Variants in CXADR observed in about 807,000 individuals in gnomAD.
CXADR encodes CXADR cell adhesion molecule, also known as coxsackievirus and adenovirus receptor.
CXADR carries 20 observed loss-of-function variants against 40.3 expected under a neutral mutation model. The observed-to-expected ratio is 0.50, with a 90% CI of 0.35 to 0.72. CXADR has a LOEUF of 0.72. Ranked by LOEUF, CXADR falls within the 30% of genes least tolerant of loss-of-function variation. The pLI, the probability that CXADR is intolerant of heterozygous loss-of-function variation, is 0.01. For missense variants in CXADR, 332 were observed against 449.1 expected (o/e 0.74, Z 2.36); for synonymous variants, 150 against 161.3 (o/e 0.93, Z 0.53).
intron 1 of CXADR, among the ~76,000 whole-genome samples, chr21:17,515,521 A>G (rs1029834302): frequency 6.6e-6 from 1 of 152,098 alleles, no homozygotes; most frequent in African/African-American, 2.4e-5. Context: ...TTAGAAATGC[A>G]TTGGTATGGG....
At chr21:17,586,589 G>A (rs182361072) in intron 7 of CXADR, among the ~76,000 whole-genome samples, 3 of 151,398 alleles carry the variant, frequency 2.0e-5, no homozygotes, top group Admixed American at 1.3e-4. Context: ...GTGTGAGTCA[G>A]CCTCTTCTCA....
At chr21:17,519,434 A>T (rs2060501283) in intron 1 of CXADR, among the ~76,000 whole-genome samples, 1 of 152,184 alleles carries the variant, frequency 6.6e-6, no homozygotes, top group Non-Finnish European at 1.5e-5. Flanking sequence ...TCCACTAGTC[A>T]TGTCTGAGTC....
rs1412185527 is a variant in CXADR, at chr21:17,569,021, T to C, written c.*3329T>C. ...ACTTTTTCAAATTTAAGAGTTAATC[T>C]TGGAAATTTGGAACAAGTAAAGGGG... On this transcript the variant is annotated 3_prime_UTR_variant, in exon 7 of 7. Transcript: ENST00000284878. 3 of 985,036 alleles carry C rather than the reference T, an allele frequency of 3.0e-6. No individual in the cohort carries two copies. The Admixed American group carries it at 1.8e-4, about 61-fold the overall frequency. 61.0% of individuals were successfully genotyped at this position (985,036 alleles called of 1,614,324 possible).
chr21:17,565,060 CTA>C lies in CXADR; in HGVS notation c.834-365_834-364del, dbSNP rs199919442. Among the ~76,000 whole-genome samples the C allele has an allele frequency of 1.8e-3, 277 of 152,276 alleles. 7 individuals are homozygous for C. In the East Asian group the frequency reaches 0.038, roughly 21 times the overall value. ...CCTGTAGGTGTTAGTGTTTTCTCAACTATAAAGTGTTACATGGCTTTAACTAG... is the reference window on the plus strand; with the variant it reads ...CCTGTAGGTGTTAGTGTTTTCTCAACTAAAGTGTTACATGGCTTTAACTAG... On this transcript the variant is annotated intron_variant, in intron 6 of 6. Transcript: ENST00000284878.
At chr21:17,514,265 C>T (rs1170421400) in intron 1 of CXADR, among the ~76,000 whole-genome samples, 1 of 152,036 alleles carries the variant, frequency 6.6e-6, no homozygotes, top group Non-Finnish European at 1.5e-5. Context: ...TGGGATGGCT[C>T]TCTGCTTCCT....
At chr21:17,543,023 T>C (rs1363883443) in intron 1 of CXADR, 1 of 364,898 alleles carries the variant, frequency 2.7e-6, no homozygotes, top group Admixed American at 3.3e-5. Context: ...AATTCATTTC[T>C]AGTGCAACAC....
At chr21:17,534,878 A>G (rs1484207989) in intron 1 of CXADR, among the ~76,000 whole-genome samples, 2 of 141,492 alleles carry the variant, frequency 1.4e-5, no homozygotes, top group Non-Finnish European at 3.0e-5. Context: ...CCTGCCTCCC[A>G]GGTTCCAGTG....
Position 17,568,802 on chromosome 21 carries a change from A to G in CXADR, c.*3110A>G, listed in dbSNP as rs933401637. The stretch of plus-strand genomic sequence containing the variant: ...GCCTCTCACTCCCCCACCCCCAAAA[A>G]TGTCTACTATTCATGACAGTAACCA... On this transcript the variant is annotated 3_prime_UTR_variant, in exon 7 of 7. Transcript: ENST00000284878. 2 of 985,046 alleles carry G rather than the reference A, an allele frequency of 2.0e-6. No homozygotes were observed. Among genetic ancestry groups the G allele is most frequent in the Admixed American group, 1.2e-4 (2 of 16,242 alleles). The allele number at this position is 985,046 out of a possible 1,614,324, so 61.0% of individuals were successfully genotyped here.
the CXADR span, among the ~76,000 whole-genome samples, chr21:17,631,212 T>C: frequency 3.3e-5 from 5 of 152,266 alleles, no homozygotes; most frequent in African/African-American, 1.2e-4. Flanking sequence ...AGATAGATTA[T>C]GACACTTACG....
chr21:17,530,879 A>G (rs891789972), intron 1 of CXADR, among the ~76,000 whole-genome samples: 3 of 152,218 alleles, frequency 2.0e-5, no homozygotes, highest in Admixed American at 2.0e-4. Context: ...ATATGCACAT[A>G]AATTTCTCCC....
chr21:17,560,991 T>G (rs937255361), intron 5 of CXADR, among the ~76,000 whole-genome samples, 167 bp downstream of exon 5: 1 of 152,202 alleles, frequency 6.6e-6, no homozygotes. Flanking sequence ...TTAAAAAAAC[T>G]TCATAATTGC....
chr21:17,534,942 G>A (rs372993957), intron 1 of CXADR, among the ~76,000 whole-genome samples: 65 of 151,692 alleles, frequency 4.3e-4, no homozygotes, highest in African/African-American at 1.5e-3. Flanking sequence ...ATGCCACCAC[G>A]CCAAGCTAAT....
rs1481263739 is a variant in CXADR at position 17,561,319 on chromosome 21, T to A, written c.695-19T>A. On this transcript the variant is annotated intron_variant, in intron 5 of 6. Coordinates refer to ENST00000284878, the MANE Select transcript of CXADR (RefSeq NM_001338.5). ...GTATATATGTATATATTTTTTACTA[T>A]TAATTCTTCTTATTTTAGCTTCAAA... is the stretch of plus-strand genomic sequence containing the variant. The A allele has an allele frequency of 1.4e-6, 2 of 1,461,302 alleles. No homozygotes were observed. Among genetic ancestry groups the A allele is most frequent in the Non-Finnish European group, 1.9e-6 (2 of 1,080,224 alleles). 90.5% of individuals were successfully genotyped at this position (1,461,302 alleles called of 1,614,324 possible).
the CXADR span, among the ~76,000 whole-genome samples, chr21:17,632,685 G>C: frequency 1.3e-5 from 2 of 151,708 alleles, no homozygotes; most frequent in Non-Finnish European, 2.9e-5. Context: ...GGCTAACACG[G>C]TGAAACCCCA....
intron 6 of CXADR, among the ~76,000 whole-genome samples, chr21:17,565,025 T>C (rs1023763007): frequency 6.6e-6 from 1 of 152,134 alleles, no homozygotes; most frequent in Non-Finnish European, 1.5e-5. Context: ...GTGATTAAGA[T>C]AGAAATATAC....
intron 1 of CXADR, among the ~76,000 whole-genome samples, chr21:17,531,919 C>T (rs1274194258): frequency 1.4e-5 from 2 of 146,372 alleles, no homozygotes; most frequent in East Asian, 2.0e-4. Context: ...TGTCTTATTC[C>T]TGATATTTGT....
chr21:17,573,034 G>A (rs1030079966), downstream of CXADR, among the ~76,000 whole-genome samples: 1 of 152,132 alleles, frequency 6.6e-6, no homozygotes, highest in Non-Finnish European at 1.5e-5. Flanking sequence ...TTATAGTTCT[G>A]GAGGTGGAAG....
chr21:17,549,392 A>G (rs1425242841), intron 2 of CXADR, among the ~76,000 whole-genome samples: 1 of 152,254 alleles, frequency 6.6e-6, no homozygotes, highest in East Asian at 1.9e-4. Context: ...GGGTCATTAC[A>G]AGAATTCAGC....
At chr21:17,543,081 A>G (rs767635096) in intron 1 of CXADR, 2 of 345,656 alleles carry the variant, frequency 5.8e-6, no homozygotes, top group South Asian at 4.6e-5. Flanking sequence ...AGAAAAACAA[A>G]AAACAAAAAA....
Sources: allele counts gnomAD v4.1 joint callset (sites outside exome capture counted in the v4.1 genomes callset), GRCh38; gene constraint gnomAD v4.1.1; transcripts MANE v1.5; gene names NCBI Gene and HGNC (gene_info 2026-07-23, HGNC 2026-07-21).